KCNH8: variants seen among roughly 807,000 people sequenced by gnomAD.
KCNH8 encodes potassium voltage-gated channel subfamily H member 8, also known as voltage-gated delayed rectifier potassium channel KCNH8.
Under a neutral mutation model 103.6 loss-of-function variants are expected in KCNH8, and 70 were observed. The observed-to-expected ratio is 0.68, with a 90% CI of 0.56 to 0.82. KCNH8 has a LOEUF of 0.82. KCNH8 is among the 40% of genes least tolerant of loss of function. The pLI, the probability that KCNH8 is intolerant of heterozygous loss-of-function variation, is 0.00. For missense variants in KCNH8, 1,217 were observed against 1,329.9 expected (o/e 0.92, Z 1.32); for synonymous variants, 498 against 489.4 (o/e 1.02, Z -0.23).
At chr3:19,484,012 TTTAA>T (rs1234158193) in intron 11 of KCNH8, among the ~76,000 whole-genome samples, 1 of 152,230 alleles carries the variant, frequency 6.6e-6, no homozygotes, top group Non-Finnish European at 1.5e-5. Flanking sequence ...TAGTCTTTTT[TTTAA>T]TTAAGAGAGT....
At chr3:19,384,119 C>T (rs1308883655) in intron 5 of KCNH8, among the ~76,000 whole-genome samples, 1 of 152,032 alleles carries the variant, frequency 6.6e-6, no homozygotes, top group Non-Finnish European at 1.5e-5. Context: ...TGCACAAGAC[C>T]AATATAACAC....
intron 3 of KCNH8, among the ~76,000 whole-genome samples, chr3:19,310,524 C>G (rs1016336127): frequency 1.3e-5 from 2 of 151,708 alleles, no homozygotes; most frequent in African/African-American, 4.8e-5. Context: ...AGAATCATAA[C>G]ATTATTGTTT....
intron 7 of KCNH8, among the ~76,000 whole-genome samples, chr3:19,396,039 C>G (rs1298351333): frequency 6.6e-6 from 1 of 151,966 alleles, no homozygotes; most frequent in Non-Finnish European, 1.5e-5. Flanking sequence ...AACTCTCTAT[C>G]CCAAAAATCT....
At chr3:19,348,731 C>T (rs1176282945) in intron 5 of KCNH8, among the ~76,000 whole-genome samples, 1 of 151,862 alleles carries the variant, frequency 6.6e-6, no homozygotes, top group East Asian at 1.9e-4. Context: ...TTTCCTTGGT[C>T]ATGGTGATAG....
chr3:19,434,790 T>C (rs1258225290), intron 7 of KCNH8, among the ~76,000 whole-genome samples: 1 of 152,188 alleles, frequency 6.6e-6, no homozygotes, highest in Admixed American at 6.5e-5. Flanking sequence ...ATACTATGTT[T>C]ATATTGTAGA....
intron 14 of KCNH8, among the ~76,000 whole-genome samples, chr3:19,516,116 A>G (rs2068870383): frequency 6.6e-6 from 1 of 152,106 alleles, no homozygotes; most frequent in South Asian, 2.1e-4. Flanking sequence ...AGGCAGAGAC[A>G]ATCCAAAACA....
chr3:19,412,940 G>T (rs1264069456), intron 7 of KCNH8, among the ~76,000 whole-genome samples: 1 of 152,018 alleles, frequency 6.6e-6, no homozygotes, highest in Non-Finnish European at 1.5e-5. Context: ...CTTAGCCACT[G>T]TGGAAAGCAG....
At chr3:19,476,557 G>A (rs964920951) in intron 11 of KCNH8, among the ~76,000 whole-genome samples, 2 of 152,026 alleles carry the variant, frequency 1.3e-5, no homozygotes, top group Non-Finnish European at 2.9e-5. Flanking sequence ...CGGGTCACTG[G>A]GGGGCATGGG....
intron 7 of KCNH8, among the ~76,000 whole-genome samples, chr3:19,413,046 T>C (rs1047285758): frequency 6.6e-6 from 1 of 151,992 alleles, no homozygotes; most frequent in Non-Finnish European, 1.5e-5. Context: ...ATCATTTCTA[T>C]CCGAAATACA....
intron 3 of KCNH8, among the ~76,000 whole-genome samples, chr3:19,326,659 A>G (rs2065428929): frequency 6.6e-6 from 1 of 152,112 alleles, no homozygotes; most frequent in Non-Finnish European, 1.5e-5. Flanking sequence ...AGTTTTGAAT[A>G]AAGATAGAGA....
Position 19,451,175 on chromosome 3 carries a change from T to A in KCNH8, c.1596T>A (p.Asp532Glu). The A allele has an allele frequency of 6.2e-7, 1 of 1,613,810 alleles. No homozygotes were observed. The highest frequency in any genetic ancestry group is 1.1e-5 in the South Asian group (1 of 91,076). The change falls in exon 10 of 16, where the codon GAT becomes GAA. Residue 532 changes from aspartate (D) to glutamate (E), a missense_variant. By Grantham distance (45) the Asp-to-Glu change is conservative (BLOSUM62 2). Coordinates refer to ENST00000328405, the MANE Select transcript of KCNH8 (RefSeq NM_144633.3). ...DSNELLKDFP[D>E]ELRSDITMHL... ...GACAGCTTTTGAAAGACTTTCCAGA[T>A]GAACTGCGTTCTGACATCACTATGC...
chr3:19,269,547 C>T (rs1334180769), intron 2 of KCNH8, among the ~76,000 whole-genome samples: 2 of 151,972 alleles, frequency 1.3e-5, no homozygotes, highest in Admixed American at 6.6e-5. Context: ...TTAAAGGTAC[C>T]TATTCTTTTT....
At chr3:19,380,579 A>G (rs1449452038) in intron 5 of KCNH8, among the ~76,000 whole-genome samples, 1 of 152,184 alleles carries the variant, frequency 6.6e-6, no homozygotes, top group Non-Finnish European at 1.5e-5. Flanking sequence ...TTAAATACCT[A>G]GTGATATTGA....
intron 3 of KCNH8, among the ~76,000 whole-genome samples, chr3:19,317,418 C>T (rs2065288176): frequency 6.6e-6 from 1 of 151,848 alleles, no homozygotes; most frequent in South Asian, 2.1e-4. Flanking sequence ...TTCAGACCTG[C>T]ATGATAAAGA....
intron 7 of KCNH8, among the ~76,000 whole-genome samples, chr3:19,409,973 AAACC>A (rs1194026904): frequency 2.0e-5 from 3 of 152,108 alleles, no homozygotes; most frequent in Admixed American, 6.6e-5. Flanking sequence ...TCACGGCAGA[AAACC>A]AACCAAGAAA....
At chr3:19,316,085 GA>G in intron 3 of KCNH8, among the ~76,000 whole-genome samples, 1 of 151,948 alleles carries the variant, frequency 6.6e-6, no homozygotes, top group Middle Eastern at 3.4e-3. Context: ...CATTATTTTG[GA>G]AAAAAATAAA....
intron 15 of KCNH8, among the ~76,000 whole-genome samples, chr3:19,521,788 T>TA (rs994372447): frequency 6.6e-6 from 1 of 151,970 alleles, no homozygotes; most frequent in Admixed American, 6.6e-5. Context: ...GTATTATTTT[T>TA]AAAAAACATT....
At chr3:19,510,817 CTAAT>C (rs949808109) in intron 12 of KCNH8, among the ~76,000 whole-genome samples, 1 of 152,096 alleles carries the variant, frequency 6.6e-6, no homozygotes, top group Non-Finnish European at 1.5e-5. Context: ...TAAGAACTCT[CTAAT>C]TAATTTCAAG....
chr3:19,480,808 CTCTG>C lies in KCNH8; in HGVS notation c.2040+23831_2040+23834del, dbSNP rs1398881851. 2.6e-5 allele frequency among the ~76,000 whole-genome samples: 4 copies of C among 152,220 alleles called. No homozygotes were observed. In the East Asian group the frequency reaches 5.8e-4, roughly 22 times the overall value. The stretch of plus-strand genomic sequence containing the variant: ...TATGAGTACTAAGAAACTATATTTT[CTCTG>C]TCTGGTTCTTCATGCCAAAAAAACA... On this transcript the variant is annotated intron_variant, in intron 11 of 15. Coordinates refer to ENST00000328405, the MANE Select transcript of KCNH8 (RefSeq NM_144633.3).
Sources: allele counts gnomAD v4.1 joint callset (sites outside exome capture counted in the v4.1 genomes callset), GRCh38; gene constraint gnomAD v4.1.1; transcripts MANE v1.5; gene names NCBI Gene and HGNC (gene_info 2026-07-23, HGNC 2026-07-21).